ZNF273: variants seen among roughly 807,000 people sequenced by gnomAD.
ZNF273 encodes zinc finger protein 9.
A neutral mutation model predicts 14.9 loss-of-function variants in ZNF273; 11 were observed. That is an observed-to-expected ratio of 0.74 (90% CI 0.46 to 1.22). The LOEUF is 1.22. Among genes scored for constraint, ZNF273 ranks in the 50% most tolerant of loss-of-function variants. ZNF273 has a pLI of 0.00. For missense variants in ZNF273, 577 were observed against 660.6 expected, an observed-to-expected ratio of 0.87 and a Z score of 1.39; for synonymous variants, 199 against 223.9, an observed-to-expected ratio of 0.89 and a Z score of 0.99.
intron 2 of ZNF273, among the ~76,000 whole-genome samples, chr7:64,879,181 G>C (rs1055028329): frequency 6.6e-6 from 1 of 152,164 alleles, no homozygotes; most frequent in African/African-American, 2.4e-5. Flanking sequence ...TCCTCTCACC[G>C]TGGATGTAGT....
At chr7:64,916,692 C>A (rs1248338204) in intron 1 of ZNF273, among the ~76,000 whole-genome samples, 1 of 150,994 alleles carries the variant, frequency 6.6e-6, no homozygotes, top group African/African-American at 2.4e-5. Flanking sequence ...AGCAGTGATG[C>A]TGTGTTTTTC....
chr7:64,897,733 A>T (rs1168001098), exon 4 of ZNF273: 6 of 114,018 alleles, frequency 5.3e-5, no homozygotes, highest in African/African-American at 1.6e-4. Flanking sequence ...TTTTTTTCTG[A>T]GACGGAGTCT....
chr7:64,878,009 TGTGTGTGTGTGTCG>T (rs1791160692), intron 1 of ZNF273: 2 of 152,308 alleles, frequency 1.3e-5, no homozygotes, highest in South Asian at 4.1e-4. Flanking sequence ...TGTCTGCGTG[TGTGTGTGTGTGTCG>T]GTGTGGGTGT....
intron 2 of ZNF273, among the ~76,000 whole-genome samples, chr7:64,917,982 C>T (rs1794133224): frequency 6.6e-6 from 1 of 152,060 alleles, no homozygotes; most frequent in Non-Finnish European, 1.5e-5. Context: ...ATCTAATTGC[C>T]ACCACTAATT....
chr7:64,909,460 C>T (rs1793340024), intron 1 of ZNF273, among the ~76,000 whole-genome samples: 1 of 152,048 alleles, frequency 6.6e-6, no homozygotes, highest in Admixed American at 6.6e-5. Context: ...AACTCCTGAC[C>T]TCAAGTGATC....
At position 64,903,356 on chromosome 7, in the gene ZNF273, G is replaced by T. The variant is rs557804590; in HGVS notation, c.39G>T (p.Pro13=). 6.2e-6 allele frequency: 10 copies of T among 1,613,350 alleles called. No homozygotes were observed. The East Asian group carries it at 2.2e-4, about 36-fold the overall frequency. The change falls in exon 1 of 4, where the codon CCG becomes CCT. Residue 13 remains proline (P), a synonymous_variant. Coordinates refer to ENST00000476120, the MANE Select transcript of ZNF273 (RefSeq NM_021148.3). The part of the protein sequence containing the change: ...SAPRGPPSVA[P]LPAGIGRSTA... ...CTAGAGGTCCACCTTCTGTGGCCCC[G>T]TTACCTGCAGGTATTGGGAGATCCA...
At chr7:64,934,896 T>C (rs887794070), downstream of ZNF273, among the ~76,000 whole-genome samples, 1 of 152,190 alleles carries the variant, frequency 6.6e-6, no homozygotes, top group Non-Finnish European at 1.5e-5. Context: ...TTCTGTAATA[T>C]GGATATTTAA....
rs1383032190 is a variant in ZNF273 at position 64,928,942 on chromosome 7, A to G, written c.1614A>G (p.Gly538=). 6.2e-7 allele frequency: 1 copy of G among 1,612,934 alleles called. No homozygotes were observed. Among genetic ancestry groups the G allele is most frequent in the Non-Finnish European group, 8.5e-7 (1 of 1,179,536 alleles). Residue 538 remains glycine (G), a synonymous_variant, in exon 4 of 4, where the codon GGA becomes GGG. Transcript: ENST00000476120. The part of the protein sequence containing the change: ...NLTRHKKIHT[G]EKPYKPKRCD... ...CTCGACATAAGAAAATTCATACTGG[A>G]GAGAAACCATACAAACCTAAAAGAT...
At chr7:64,883,262 C>T (rs569657997), downstream of ZNF273, among the ~76,000 whole-genome samples, 6 of 148,420 alleles carry the variant, frequency 4.0e-5, no homozygotes, top group South Asian at 1.3e-3. Flanking sequence ...GAGGAGCACA[C>T]CACACCCAAG....
Position 64,929,271 on chromosome 7 carries a change from A to C in ZNF273, c.*233A>C, listed in dbSNP as rs994280024. ...TTATCAATGAAATTACTGTCAAAAG[A>C]TCTTTCAGACAATATAAGCCTGCAA... On this transcript the variant is annotated 3_prime_UTR_variant, in exon 4 of 4. Coordinates refer to ENST00000476120, the MANE Select transcript of ZNF273 (RefSeq NM_021148.3). 10 of 332,528 alleles carry C rather than the reference A, an allele frequency of 3.0e-5. No individual in the cohort carries two copies. The highest frequency in any genetic ancestry group is 4.9e-5 in the Non-Finnish European group (9 of 185,286). 20.6% of individuals were successfully genotyped at this position (332,528 alleles called of 1,614,324 possible).
At chr7:64,934,179 G>A (rs1795043130), downstream of ZNF273, among the ~76,000 whole-genome samples, 1 of 150,982 alleles carries the variant, frequency 6.6e-6, no homozygotes, top group Non-Finnish European at 1.5e-5. Flanking sequence ...ACAGGCATGA[G>A]CCTGCAGCCT....
intron 2 of ZNF273, 135 bp from the exon 3 acceptor site, chr7:64,918,062 A>T (rs1300277686): frequency 2.6e-6 from 2 of 756,116 alleles, no homozygotes. Context: ...AATATTTAGA[A>T]ATTTACATTA....
downstream of ZNF273, among the ~76,000 whole-genome samples, chr7:64,891,349 T>C (rs146449639): frequency 1.2e-4 from 19 of 152,354 alleles, no homozygotes; most frequent in South Asian, 4.1e-4. Context: ...TGAGTTTTCC[T>C]TGGTCTATGG....
downstream of ZNF273, among the ~76,000 whole-genome samples, chr7:64,934,623 C>T (rs143891538): frequency 1.8e-4 from 27 of 152,200 alleles, no homozygotes; most frequent in Middle Eastern, 3.4e-3. Flanking sequence ...GCTGTAAATA[C>T]GTGGATATAT....
chr7:64,895,158 T>G (rs1792293069), intron 3 of ZNF273, among the ~76,000 whole-genome samples: 1 of 152,028 alleles, frequency 6.6e-6, no homozygotes, highest in South Asian at 2.1e-4. Context: ...AATTTGAAGA[T>G]CTTTTCAAAA....
In ZNF273 at chr7:64,928,124, G is replaced by A; in HGVS notation, c.796G>A (p.Glu266Lys). ...HPEVNPYKCE[E>K]CGKAFNQSLT... ...TGAAGTGAATCCCTACAAATGTGAA[G>A]AATGTGGCAAAGCCTTTAACCAGTC... Residue 266 changes from glutamate (E) to lysine (K), a missense_variant, in exon 4 of 4, where the codon GAA (glutamate) becomes AAA (lysine). Transcript: ENST00000476120. 1 of 1,613,450 alleles carries A rather than the reference G, an allele frequency of 6.2e-7. No homozygotes were observed.
At chr7:64,904,003 C>A (rs4718163) in intron 1 of ZNF273, among the ~76,000 whole-genome samples, 68,373 of 152,048 alleles carry the variant, frequency 0.45, 15,582 homozygotes, top group East Asian at 0.56. Flanking sequence ...GTTATGTCAT[C>A]AGAGGTTAAT....
At chr7:64,934,306 CA>C (rs1795044477), downstream of ZNF273, among the ~76,000 whole-genome samples, 1 of 151,804 alleles carries the variant, frequency 6.6e-6, no homozygotes, top group African/African-American at 2.4e-5. Context: ...TTTTTTTCAA[CA>C]GCTTTTTATT....
chr7:64,918,755 C>G (rs1442594316), intron 3 of ZNF273, among the ~76,000 whole-genome samples: 1 of 146,060 alleles, frequency 6.8e-6, no homozygotes, highest in East Asian at 2.0e-4. Flanking sequence ...TTTTCCTTTG[C>G]TCTCACATAG....
Sources: gnomAD v4.1 joint callset for allele counts (sites outside exome capture counted in the v4.1 genomes callset) on GRCh38, gnomAD v4.1.1 for gene constraint, MANE v1.5 for transcripts, NCBI Gene and HGNC (gene_info 2026-07-23, HGNC 2026-07-21) for gene names.